CACNA1C: variants seen among roughly 807,000 people sequenced by gnomAD.
The protein encoded by CACNA1C is calcium voltage-gated channel subunit alpha1 C, also known as voltage-dependent L-type calcium channel subunit alpha-1C.
Under a neutral mutation model 229.0 loss-of-function variants are expected in CACNA1C, and 30 were observed. That is an observed-to-expected ratio of 0.13 (90% CI 0.10 to 0.18). The LOEUF (loss-of-function observed/expected upper bound fraction) is 0.18, where lower values mean the gene tolerates loss of function less well. CACNA1C is among the 10% of genes least tolerant of loss of function. The pLI is 1.00. For synonymous variants in CACNA1C, 1,114 were observed against 1,132.5 expected (o/e 0.98, Z 0.33); for missense variants, 1,658 against 2,845.0 (o/e 0.58, Z 9.49).
chr12:2,411,255 A>C (rs2098804187), intron 3 of CACNA1C, among the ~76,000 whole-genome samples: 1 of 152,122 alleles, frequency 6.6e-6, no homozygotes, highest in South Asian at 2.1e-4. Flanking sequence ...GGAGAGCTGC[A>C]ATGAAGGCAG....
chr12:2,335,327 A>G (rs1229383054), intron 3 of CACNA1C, among the ~76,000 whole-genome samples: 2 of 152,086 alleles, frequency 1.3e-5, no homozygotes, highest in East Asian at 3.9e-4. Context: ...AATTTAAAAC[A>G]CCATGAAAAC....
At chr12:2,550,322 T>TA in intron 10 of CACNA1C, among the ~76,000 whole-genome samples, 1 of 152,102 alleles carries the variant, frequency 6.6e-6, no homozygotes. Flanking sequence ...ATCTGAGAAA[T>TA]ATAGAGGGTG....
chr12:2,101,001 CA>C (rs551820516), intron 1 of CACNA1C, among the ~76,000 whole-genome samples: 245 of 72,294 alleles, frequency 3.4e-3, no homozygotes, highest in Admixed American at 4.3e-3. Context: ...AGACCCATCT[CA>C]AAAAAAAAAA....
At chr12:2,164,476 T>C (rs2096101830) in intron 3 of CACNA1C, among the ~76,000 whole-genome samples, 3 of 152,220 alleles carry the variant, frequency 2.0e-5, no homozygotes, top group Admixed American at 2.0e-4. Flanking sequence ...AAATTCAAAG[T>C]TCTGGAACTA....
chr12:2,585,671 G>T lies in CACNA1C; in HGVS notation c.2461-164G>T, dbSNP rs1307760975. Among the ~76,000 whole-genome samples, 3 of 152,216 alleles carry T rather than the reference G, an allele frequency of 2.0e-5. No individual in the cohort carries two copies. Among genetic ancestry groups the T allele is most frequent in the African/African-American group, 7.2e-5 (3 of 41,452 alleles). ...AGGGGGAAGATAAGGCAGATTGGCT[G>T]GATCCCAGCCATCTGCTGATGTCTT... On this transcript the variant is annotated intron_variant, in intron 17 of 46. Transcript: ENST00000399655. This position sits in a 1 kb window ranked among gnomAD's most constrained non-coding sequence, Gnocchi z 4.1.
intron 38 of CACNA1C, chr12:2,672,140 A>T (rs1477014477): frequency 6.6e-6 from 1 of 152,278 alleles, no homozygotes; most frequent in Non-Finnish European, 1.5e-5. Flanking sequence ...TCAGAGAAGC[A>T]GAGCTGTCAT....
chr12:2,510,106 G>C (rs1311733461), intron 8 of CACNA1C, among the ~76,000 whole-genome samples: 2 of 152,164 alleles, frequency 1.3e-5, no homozygotes, highest in Non-Finnish European at 2.9e-5. Context: ...GTTGGCCATT[G>C]CTGGCGAGAG....
chr12:2,573,244 C>T (rs573787267), intron 13 of CACNA1C, among the ~76,000 whole-genome samples: 2 of 152,244 alleles, frequency 1.3e-5, no homozygotes, highest in Admixed American at 6.5e-5. Flanking sequence ...GATGGGGTCT[C>T]ACTATATTGC....
intron 3 of CACNA1C, among the ~76,000 whole-genome samples, chr12:2,229,112 G>A (rs932632984): frequency 1.6e-4 from 24 of 152,184 alleles, no homozygotes; most frequent in Non-Finnish European, 1.9e-4. Flanking sequence ...AAAGAGCACA[G>A]GATTTGGAGT....
intron 3 of CACNA1C, among the ~76,000 whole-genome samples, chr12:2,347,610 C>T (rs1185624396): frequency 6.6e-6 from 1 of 152,218 alleles, no homozygotes; most frequent in Non-Finnish European, 1.5e-5. Context: ...ACCAGAGAAT[C>T]CTAGAGGACA....
chr12:2,098,388 C>T (rs1465315059), intron 1 of CACNA1C, among the ~76,000 whole-genome samples: 2 of 152,212 alleles, frequency 1.3e-5, no homozygotes, highest in African/African-American at 4.8e-5. Context: ...GATGCTGTTT[C>T]TTTTGTCGTG....
rs968837599 is a variant in CACNA1C at position 2,630,440 on chromosome 12, C to T, written c.3829-3857C>T. Among the ~76,000 whole-genome samples the T allele has an allele frequency of 8.5e-5, 13 of 152,084 alleles. No individual in the cohort carries two copies. The highest frequency in any genetic ancestry group is 2.4e-4 in the African/African-American group (10 of 41,396). Reference sequence around the variant, plus strand: ...CCCAACCACCTGGGGACTTGGGGACCAGCAGGAAGGACCTGGGCCTTGTTT... The same window carrying T: ...CCCAACCACCTGGGGACTTGGGGACTAGCAGGAAGGACCTGGGCCTTGTTT... On this transcript the variant is annotated intron_variant, in intron 29 of 46. Transcript: ENST00000399655. The surrounding 1 kb of genome is among the most constrained non-coding windows in gnomAD (Gnocchi z 5.4).
chr12:2,380,997 AAGAAG>A (rs1295536089), intron 3 of CACNA1C, among the ~76,000 whole-genome samples: 1 of 152,266 alleles, frequency 6.6e-6, no homozygotes, highest in Middle Eastern at 3.4e-3. Flanking sequence ...AGGTGTGTGA[AAGAAG>A]AGAAGCAATT....
At chr12:2,033,233 G>T (rs1484573875) in intron 1 of CACNA1C, among the ~76,000 whole-genome samples, 1 of 152,152 alleles carries the variant, frequency 6.6e-6, no homozygotes, top group Non-Finnish European at 1.5e-5. Flanking sequence ...GCCAGTCTCT[G>T]TGTCCAGCTG....
chr12:2,652,867 C>T lies in CACNA1C; in HGVS notation c.4075-968C>T, dbSNP rs1263590849. Among the ~76,000 whole-genome samples the T allele has an allele frequency of 1.4e-4, 21 of 146,518 alleles. No individual in the cohort carries two copies. In the South Asian group the frequency reaches 1.6e-3, roughly 11 times the overall value. On this transcript the variant is annotated intron_variant, in intron 32 of 46. Transcript: ENST00000399655. ...TGTACTTGGGTGCACGCGGAACCCA[C>T]GGCTGTGAGTTGCCATACTCTCCCT...
In CACNA1C at chr12:2,067,713, A is replaced by G. The variant is rs900697604; in HGVS notation, c.49+14102A>G. Among the ~76,000 whole-genome samples the G allele has an allele frequency of 2.6e-5, 4 of 152,116 alleles. No individual in the cohort carries two copies. Among genetic ancestry groups the G allele is most frequent in the South Asian group, 2.1e-4 (1 of 4,826 alleles). On this transcript the variant is annotated intron_variant, in intron 1 of 46. Coordinates refer to ENST00000399655, the MANE Select transcript of CACNA1C (RefSeq NM_000719.7). The surrounding 1 kb of genome is among the most constrained non-coding windows in gnomAD (Gnocchi z 5.3). ...TTCCCACAGACTGTCTTGGGCATCA[A>G]GGACAAGGAACCTGCACTGTTAACC...
intron 3 of CACNA1C, among the ~76,000 whole-genome samples, chr12:2,441,263 T>A (rs1225449935): frequency 6.6e-6 from 1 of 152,192 alleles, no homozygotes; most frequent in Non-Finnish European, 1.5e-5. Context: ...CTAGTGGATG[T>A]AGCCACACAG....
Position 2,677,487 on chromosome 12 carries a change from A to G in CACNA1C, c.4957-246A>G. ...CAAATACTTCACTGAGGCTCCCGTGACAGCCCCTGACCCCTGGTGCCCCGT... is the reference window on the plus strand; with the variant it reads ...CAAATACTTCACTGAGGCTCCCGTGGCAGCCCCTGACCCCTGGTGCCCCGT... On this transcript the variant is annotated intron_variant, in intron 40 of 46. Transcript: ENST00000399655. This position sits in a 1 kb window ranked among gnomAD's most constrained non-coding sequence, Gnocchi z 7.4. 2 of 611,132 alleles carry G rather than the reference A, an allele frequency of 3.3e-6. No individual in the cohort carries two copies. The highest frequency in any genetic ancestry group is 5.7e-6 in the Non-Finnish European group (2 of 350,614). The allele number at this position is 611,132 out of a possible 1,614,324, so 37.9% of individuals were successfully genotyped here. A position where few individuals can be genotyped will look rare whatever the true frequency, so the allele number is the denominator to read the frequency against.
intron 29 of CACNA1C, among the ~76,000 whole-genome samples, chr12:2,621,391 A>G (rs1482999132): frequency 6.6e-6 from 1 of 152,170 alleles, no homozygotes; most frequent in African/African-American, 2.4e-5. Context: ...ACCCCGAGGC[A>G]GGGGCAAGCT....
Sources: gnomAD v4.1 joint callset for allele counts (sites outside exome capture counted in the v4.1 genomes callset) on GRCh38, gnomAD v4.1.1 for gene constraint, Gnocchi (gnomAD v3.1) non-coding constraint, MANE v1.5 for transcripts, NCBI Gene and HGNC (gene_info 2026-07-23, HGNC 2026-07-21) for gene names.